RAPGEF2: variants seen among roughly 807,000 people sequenced by gnomAD.
The protein encoded by RAPGEF2 is PDZ domain containing guanine nucleotide exchange factor (GEF) 1.
RAPGEF2 carries 54 observed loss-of-function variants against 186.7 expected under a neutral mutation model. The ratio of observed to expected loss-of-function variants is 0.29; its 90% CI spans 0.23 to 0.36. RAPGEF2 has a LOEUF of 0.36. RAPGEF2 is among the 10% of genes least tolerant of loss of function. The pLI, the probability that RAPGEF2 is intolerant of heterozygous loss-of-function variation, is 1.00. For missense variants in RAPGEF2, 1,532 were observed against 2,045.0 expected, an observed-to-expected ratio of 0.75 and a Z score of 4.84; for synonymous variants, 712 against 705.9, an observed-to-expected ratio of 1.01 and a Z score of -0.14.
chr4:159,153,975 C>T (rs1743839044), intron 1 of RAPGEF2, among the ~76,000 whole-genome samples: 1 of 152,152 alleles, frequency 6.6e-6, no homozygotes, highest in Non-Finnish European at 1.5e-5. Flanking sequence ...TTAAACATTT[C>T]TATCTCTCAG....
At chr4:159,277,641 C>T (rs1759093972) in intron 7 of RAPGEF2, among the ~76,000 whole-genome samples, 1 of 152,194 alleles carries the variant, frequency 6.6e-6, no homozygotes, top group African/African-American at 2.4e-5. Context: ...GATGGTATCT[C>T]ATTGTGGTTT....
intron 7 of RAPGEF2, among the ~76,000 whole-genome samples, chr4:159,265,202 T>G (rs1403375731): frequency 6.6e-6 from 1 of 152,120 alleles, no homozygotes; most frequent in Admixed American, 6.5e-5. Flanking sequence ...CTTGGTGCGG[T>G]GAACACAGGA....
chr4:159,345,601 A>G (rs940210705), intron 24 of RAPGEF2, among the ~76,000 whole-genome samples: 4 of 152,244 alleles, frequency 2.6e-5, no homozygotes, highest in Non-Finnish European at 5.9e-5. Flanking sequence ...CACAACCAGT[A>G]CACATGCAAC....
intron 1 of RAPGEF2, among the ~76,000 whole-genome samples, chr4:159,106,881 C>T (rs767034850): frequency 7.9e-5 from 12 of 152,048 alleles, no homozygotes; most frequent in Admixed American, 7.2e-4. Context: ...GGAAGAGTAC[C>T]AGGAACTTTC....
chr4:159,221,066 T>C (rs1751495633), intron 4 of RAPGEF2, among the ~76,000 whole-genome samples: 1 of 152,136 alleles, frequency 6.6e-6, no homozygotes, highest in Non-Finnish European at 1.5e-5. Context: ...CTTGCAGGGA[T>C]GTAGAAGAGG....
chr4:159,319,795 T>C (rs1197186652), intron 9 of RAPGEF2, among the ~76,000 whole-genome samples: 4 of 152,014 alleles, frequency 2.6e-5, no homozygotes, highest in Non-Finnish European at 5.9e-5. Context: ...TAGCCGCTAC[T>C]TATATATCAC....
At chr4:159,257,989 C>G (rs1489621551) in intron 7 of RAPGEF2, among the ~76,000 whole-genome samples, 2 of 152,104 alleles carry the variant, frequency 1.3e-5, no homozygotes, top group Non-Finnish European at 2.9e-5. Flanking sequence ...GAGTGAATGC[C>G]TTCCTGTATT....
intron 3 of RAPGEF2, among the ~76,000 whole-genome samples, chr4:159,197,774 T>G (rs1748809667): frequency 6.6e-6 from 1 of 152,208 alleles, no homozygotes; most frequent in Admixed American, 6.5e-5. Context: ...CAACCATCGC[T>G]GTCCCCTTTC....
chr4:159,109,375 A>G (rs1351724995), intron 1 of RAPGEF2, among the ~76,000 whole-genome samples: 1 of 152,164 alleles, frequency 6.6e-6, no homozygotes, highest in Non-Finnish European at 1.5e-5. Context: ...TATGGAAACC[A>G]CTGAAAATCG....
chr4:159,152,896 G>A (rs574613119), intron 1 of RAPGEF2, among the ~76,000 whole-genome samples: 4 of 152,290 alleles, frequency 2.6e-5, no homozygotes, highest in South Asian at 2.1e-4. Flanking sequence ...GATTACAGGC[G>A]TGAGCCACCG....
intron 17 of RAPGEF2, among the ~76,000 whole-genome samples, chr4:159,333,166 G>A (rs1179240483): frequency 6.6e-6 from 1 of 151,902 alleles, no homozygotes; most frequent in African/African-American, 2.4e-5. Flanking sequence ...TTTTAGTAGA[G>A]ACGGGGTTTC....
At chr4:159,267,017 A>T in intron 7 of RAPGEF2, 1 of 360,558 alleles carries the variant, frequency 2.8e-6, no homozygotes, top group Non-Finnish European at 5.0e-6. Context: ...TGAAATGGTT[A>T]AGTAGAGGAG....
intron 10 of RAPGEF2, 116 bp downstream of exon 10, chr4:159,322,599 T>G: frequency 7.6e-6 from 6 of 793,986 alleles, no homozygotes; most frequent in Non-Finnish European, 1.2e-5. Flanking sequence ...ACAGTAAGTT[T>G]GAATAATTCA....
At chr4:159,112,595 G>C (rs1738617155) in intron 1 of RAPGEF2, among the ~76,000 whole-genome samples, 1 of 152,046 alleles carries the variant, frequency 6.6e-6, no homozygotes, top group African/African-American at 2.4e-5. Context: ...ACTGATATAA[G>C]TAAGTAGTTG....
chr4:159,356,891 A>G (rs1214661755), intron 29 of RAPGEF2, among the ~76,000 whole-genome samples: 1 of 152,038 alleles, frequency 6.6e-6, no homozygotes, highest in Non-Finnish European at 1.5e-5. Flanking sequence ...ACAGAGTGAG[A>G]CTCTGTCTCA....
At chr4:159,320,940 C>T (rs907227018) in intron 9 of RAPGEF2, among the ~76,000 whole-genome samples, 1 of 152,010 alleles carries the variant, frequency 6.6e-6, no homozygotes, top group Non-Finnish European at 1.5e-5. Flanking sequence ...TAGCAGTTCT[C>T]ATTTATTGAG....
chr4:159,109,231 C>T (rs1317825406), intron 1 of RAPGEF2, among the ~76,000 whole-genome samples: 1 of 152,042 alleles, frequency 6.6e-6, no homozygotes, highest in African/African-American at 2.4e-5. Context: ...TGACACATAC[C>T]TGTAATCCCA....
At position 159,355,878 on chromosome 4, in the gene RAPGEF2, G is replaced by GCCCGCCCC; in HGVS notation, c.4680_4681insGCCCCCCC (p.Pro1561AlafsTer67). On this transcript the variant is annotated frameshift_variant, in exon 29 of 30. Transcript: ENST00000691494. LOFTEE classifies it high-confidence loss of function. The stretch of plus-strand genomic sequence containing the variant: ...CACGAAAGGAGGGCAGGTATCGAGA[G>GCCCGCCCC]CCCCCGCCCACCCCTCCCGGCTACA... The GCCCGCCCC allele has an allele frequency of 1.1e-5, 17 of 1,515,814 alleles. No homozygotes were observed. The highest frequency in any genetic ancestry group is 2.5e-5 in the East Asian group (1 of 40,078). 93.9% of individuals were successfully genotyped at this position (1,515,814 alleles called of 1,614,324 possible).
intron 7 of RAPGEF2, chr4:159,267,877 C>G: frequency 9.0e-7 from 1 of 1,110,052 alleles, no homozygotes; most frequent in Admixed American, 4.8e-5. Flanking sequence ...AGACTGAGAG[C>G]TGTGTGAGGT....
Sources: gnomAD v4.1 joint callset for allele counts (sites outside exome capture counted in the v4.1 genomes callset) on GRCh38, gnomAD v4.1.1 for gene constraint, MANE v1.5 for transcripts, NCBI Gene and HGNC (gene_info 2026-07-23, HGNC 2026-07-21) for gene names.